The following ANKRD36 variants were observed in gnomAD, a reference collection of about 807,000 sequenced individuals.
ANKRD36 encodes the protein ankyrin repeat domain 36.
A neutral mutation model predicts 278.1 loss-of-function variants in ANKRD36; 179 were observed. The ratio of observed to expected loss-of-function variants is 0.64; its 90% CI spans 0.57 to 0.73. The LOEUF (loss-of-function observed/expected upper bound fraction) is 0.73. ANKRD36 is among the 30% of genes least tolerant of loss of function. The pLI is 0.00. For missense variants in ANKRD36, 1,159 were observed against 1,956.7 expected (o/e 0.59, Z 7.69); for synonymous variants, 320 against 641.1 (o/e 0.50, Z 7.57).
intron 48 of ANKRD36, 36 bp from the exon 49 acceptor site, chr2:97,204,032 A>C: frequency 1.9e-6 from 3 of 1,556,362 alleles, no homozygotes; most frequent in South Asian, 1.2e-5. Context: ...TGTCATTTTT[A>C]CATATGAGTG....
chr2:97,158,651 A>T lies in ANKRD36; in HGVS notation c.1385A>T (p.Asp462Val). 1 of 1,536,360 alleles carries T rather than the reference A, an allele frequency of 6.5e-7. No individual in the cohort carries two copies. Among genetic ancestry groups the T allele is most frequent in the Non-Finnish European group, 8.7e-7 (1 of 1,146,640 alleles). ...AACATGTTTGAAGACCAAAATGTTG[A>T]TAAGGTAAATGAAGATGTGGTTAAA... ...NGNMFEDQNV[D>V]KEGKALPATG... is the part of the protein sequence containing the mutation. The change falls in exon 17 of 76, where the codon GAT (aspartate) becomes GTT (valine). Residue 462 changes from aspartate (D) to valine (V), a missense_variant. Coordinates refer to ENST00000420699, the MANE Select transcript of ANKRD36 (RefSeq NM_001354587.1).
intron 32 of ANKRD36, 93 bp downstream of exon 32, chr2:97,187,494 G>GGGGT: frequency 4.0e-4 from 38 of 95,516 alleles, no homozygotes; most frequent in South Asian, 1.5e-3. Context: ...GGGTGGGGGG[G>GGGGT]CTCGCCGAAG....
intron 58 of ANKRD36, 90 bp downstream of exon 58, chr2:97,211,831 C>T (rs2064732427): frequency 1.4e-6 from 2 of 1,389,174 alleles, no homozygotes; most frequent in Non-Finnish European, 9.8e-7. Flanking sequence ...GTTCGTCAAG[C>T]CTTCATGTTC....
intron 17 of ANKRD36, 125 bp from the exon 18 acceptor site, chr2:97,161,974 C>T: frequency 1.6e-6 from 1 of 634,488 alleles, no homozygotes; most frequent in South Asian, 7.4e-5. Context: ...GTATTTTATT[C>T]ATATTATCAG....
chr2:97,131,926 T>C (rs1463774287), intron 6 of ANKRD36, among the ~76,000 whole-genome samples: 1 of 151,800 alleles, frequency 6.6e-6, no homozygotes, highest in Non-Finnish European at 1.5e-5. Flanking sequence ...CCTCCTGGGT[T>C]CAAGCGCTTC....
chr2:97,164,534 T>G, intron 20 of ANKRD36, 65 bp downstream of exon 20: 2 of 1,499,914 alleles, frequency 1.3e-6, no homozygotes, highest in Non-Finnish European at 1.8e-6. Context: ...ATGCTCATAG[T>G]TTTTTGATTC....
intron 16 of ANKRD36, among the ~76,000 whole-genome samples, 160 bp downstream of exon 16, chr2:97,158,327 A>G (rs1288401371): frequency 6.6e-6 from 1 of 152,158 alleles, no homozygotes; most frequent in East Asian, 1.9e-4. Flanking sequence ...TCCTGGGTTC[A>G]AGTGATTCTC....
chr2:97,240,982 G>GTTTTT (rs763385352), intron 68 of ANKRD36, among the ~76,000 whole-genome samples: 7 of 53,000 alleles, frequency 1.3e-4, no homozygotes, highest in East Asian at 8.8e-4. Flanking sequence ...ACATAACTAT[G>GTTTTT]TTTTTTTTTT....
At chr2:97,200,694 A>G (rs1457179735) in intron 46 of ANKRD36, among the ~76,000 whole-genome samples, 169 bp downstream of exon 46, 8 of 151,880 alleles carry the variant, frequency 5.3e-5, no homozygotes, top group African/African-American at 1.9e-4. Context: ...TGTCTGCAGC[A>G]TGATCTTCGC....
At chr2:97,165,167 A>G (rs2050293261) in intron 20 of ANKRD36, among the ~76,000 whole-genome samples, 1 of 152,210 alleles carries the variant, frequency 6.6e-6, no homozygotes, top group African/African-American at 2.4e-5. Context: ...TTGCACTTTC[A>G]TAGGTAATAT....
At chr2:97,203,036 ACTCATTACTCCC>A (rs1248312377) in intron 48 of ANKRD36, among the ~76,000 whole-genome samples, 2 of 151,710 alleles carry the variant, frequency 1.3e-5, no homozygotes, top group Non-Finnish European at 2.9e-5. Flanking sequence ...AAACACACTG[ACTCATTACTCCC>A]CTTTGTAACT....
chr2:97,208,613 A>T (rs56364600), intron 54 of ANKRD36, among the ~76,000 whole-genome samples: 1 of 146,234 alleles, frequency 6.8e-6, no homozygotes, highest in Non-Finnish European at 1.5e-5. Context: ...TACTGGAAGC[A>T]GGAAACAGTG....
intron 67 of ANKRD36, among the ~76,000 whole-genome samples, chr2:97,225,226 C>A (rs2069039095): frequency 6.6e-6 from 1 of 151,314 alleles, no homozygotes; most frequent in Non-Finnish European, 1.5e-5. Context: ...GTGATGACCA[C>A]CGTACTGGAT....
In ANKRD36 at chr2:97,262,498, A is replaced by T. The variant is rs2076827363; in HGVS notation, c.*7-1831A>T. ...AAGCCTGATCCAGAAAGCCCAAAGGAAACCAAATAAGGTGAATCCAGGGAC... is the reference window on the plus strand; with the variant it reads ...AAGCCTGATCCAGAAAGCCCAAAGGTAACCAAATAAGGTGAATCCAGGGAC... On this transcript the variant is annotated intron_variant, in intron 75 of 75. Transcript: ENST00000420699. Among the ~76,000 whole-genome samples, 3 of 121,262 alleles carry T rather than the reference A, an allele frequency of 2.5e-5. No homozygotes were observed. In the Admixed American group the frequency reaches 2.7e-4, roughly 11 times the overall value. The allele number at this position is 121,262 out of a possible 152,430, so 79.6% of individuals were successfully genotyped here.
intron 64 of ANKRD36, among the ~76,000 whole-genome samples, chr2:97,217,967 T>C (rs1176765475): frequency 2.0e-5 from 3 of 152,022 alleles, no homozygotes; most frequent in African/African-American, 7.2e-5. Context: ...GATCATCTGA[T>C]TTCTGGCTGC....
intron 66 of ANKRD36, among the ~76,000 whole-genome samples, chr2:97,220,621 T>G (rs1351558633): frequency 6.6e-6 from 1 of 151,710 alleles, no homozygotes. Context: ...TTAGAACCCA[T>G]TTTTCTGTTG....
At chr2:97,196,972 G>C (rs374910387) in intron 42 of ANKRD36, among the ~76,000 whole-genome samples, 184 bp downstream of exon 42, 3 of 151,896 alleles carry the variant, frequency 2.0e-5, no homozygotes, top group East Asian at 3.9e-4. Flanking sequence ...GATCTTCGCC[G>C]TAAGATTATA....
intron 58 of ANKRD36, 57 bp downstream of exon 58, chr2:97,211,798 T>C: frequency 6.6e-7 from 1 of 1,510,740 alleles, no homozygotes; most frequent in Admixed American, 2.0e-5. Flanking sequence ...AGAACTTCTC[T>C]TCACCAAATA....
chr2:97,118,404 A>G lies in ANKRD36; in HGVS notation c.373A>G (p.Asn125Asp), dbSNP rs536764554. ...TCTGCTGCAAAATGGCGCCAATCCA[A>G]ATATTACGGATTTCTTTGGAAGGAC... The part of the protein sequence containing the change: ...TLLLQNGANP[N>D]ITDFFGRTAL... Residue 125 changes from asparagine to aspartate, a missense_variant, in exon 3 of 76, where the codon AAT (asparagine) becomes GAT (aspartate). Transcript: ENST00000420699. 2.1e-5 allele frequency: 34 copies of G among 1,607,982 alleles called. 1 individual carries two copies. In the Admixed American group the frequency reaches 3.5e-4, roughly 17 times the overall value.
Sources: allele counts gnomAD v4.1 joint callset (sites outside exome capture counted in the v4.1 genomes callset), GRCh38; gene constraint gnomAD v4.1.1; transcripts MANE v1.5; gene names NCBI Gene and HGNC (gene_info 2026-07-23, HGNC 2026-07-21).